Variants in DOCK2 observed in about 807,000 individuals in gnomAD.
DOCK2 encodes dedicator of cytokinesis protein 2.
DOCK2 carries 87 observed loss-of-function variants against 248.9 expected under a neutral mutation model. The observed-to-expected ratio is 0.35, with a 90% CI of 0.29 to 0.42. The LOEUF is 0.42. Among genes scored for constraint, DOCK2 ranks in the 10% least tolerant of loss-of-function variants. The pLI is 1.00. For synonymous variants in DOCK2, 805 were observed against 821.6 expected, an observed-to-expected ratio of 0.98 and a Z score of 0.35; for missense variants, 1,747 against 2,300.2, an observed-to-expected ratio of 0.76 and a Z score of 4.92.
chr5:169,932,835 G>A (rs998803982), intron 27 of DOCK2, among the ~76,000 whole-genome samples: 19 of 152,040 alleles, frequency 1.2e-4, no homozygotes, highest in African/African-American at 4.3e-4. Context: ...TTAAAAAAGA[G>A]ATGTGATATC....
intron 27 of DOCK2, among the ~76,000 whole-genome samples, chr5:169,948,949 A>G (rs1581459951): frequency 6.6e-6 from 1 of 152,146 alleles, no homozygotes; most frequent in Non-Finnish European, 1.5e-5. Context: ...GAAATTATCA[A>G]ATTACAAGAA....
intron 27 of DOCK2, among the ~76,000 whole-genome samples, chr5:169,954,828 C>T (rs1776797644): frequency 6.6e-6 from 1 of 152,204 alleles, no homozygotes; most frequent in Admixed American, 6.5e-5. Flanking sequence ...CATACAGGTC[C>T]ACCCAGGCTG....
chr5:169,919,413 A>G (rs960924306), intron 27 of DOCK2, among the ~76,000 whole-genome samples: 8 of 152,296 alleles, frequency 5.3e-5, no homozygotes, highest in South Asian at 2.1e-4. Flanking sequence ...ACACTCATCA[A>G]ATTTTACTCC....
At chr5:169,996,290 A>G (rs1748002843) in intron 30 of DOCK2, 126 bp downstream of exon 30, 6 of 942,342 alleles carry the variant, frequency 6.4e-6, no homozygotes, top group Non-Finnish European at 9.2e-6. Flanking sequence ...AGGGATTCCC[A>G]CGGGGGGTTA....
At chr5:169,799,957 A>G (rs1442913456) in intron 25 of DOCK2, among the ~76,000 whole-genome samples, 2 of 151,984 alleles carry the variant, frequency 1.3e-5, no homozygotes, top group Non-Finnish European at 2.9e-5. Flanking sequence ...GGCATCCATC[A>G]CTATGCCCAG....
rs1773206918 is a variant in DOCK2, at chr5:169,890,253, G to A, written c.2799+49401G>A. Among the ~76,000 whole-genome samples the A allele has an allele frequency of 1.3e-5, 2 of 152,208 alleles. 1 individual carries two copies. The highest frequency in any genetic ancestry group is 4.1e-4 in the South Asian group (2 of 4,828). ...CAGTTACAGGATGCATTTCTAAAGT[G>A]TAGGGATATGTCTTCCACTCTTTTT... is the stretch of plus-strand genomic sequence containing the variant. On this transcript the variant is annotated intron_variant, in intron 27 of 51. Coordinates refer to ENST00000520908, the MANE Select transcript of DOCK2 (RefSeq NM_004946.3).
chr5:170,008,742 G>A lies in DOCK2; in HGVS notation c.3228G>A (p.Lys1076=). The A allele has an allele frequency of 6.2e-7, 1 of 1,614,012 alleles. No homozygotes were observed. Among genetic ancestry groups the A allele is most frequent in the Non-Finnish European group, 8.5e-7 (1 of 1,179,940 alleles). Residue 1076 remains lysine, a synonymous_variant, in exon 32 of 52, where the codon AAG becomes AAA. Transcript: ENST00000520908. ...IGFSIRDMWY[K]LGQNKICFIP... is the part of the protein sequence containing the mutation. Reference sequence around the variant, plus strand: ...TCTCCATCCGTGATATGTGGTACAAGCTTGGTGAGTAGGCACACACATCCA... The same window carrying A: ...TCTCCATCCGTGATATGTGGTACAAACTTGGTGAGTAGGCACACACATCCA...
chr5:169,922,709 A>T, intron 27 of DOCK2, among the ~76,000 whole-genome samples: 1 of 152,214 alleles, frequency 6.6e-6, no homozygotes, highest in East Asian at 1.9e-4. Flanking sequence ...CTTGAGCTGG[A>T]GCCAGATCCT....
At chr5:169,925,955 G>T (rs1359730076) in intron 27 of DOCK2, among the ~76,000 whole-genome samples, 1 of 152,180 alleles carries the variant, frequency 6.6e-6, no homozygotes, top group Non-Finnish European at 1.5e-5. Context: ...GGCTTTGTGA[G>T]TATCATCTCT....
intron 27 of DOCK2, among the ~76,000 whole-genome samples, chr5:169,952,339 G>T (rs1436080110): frequency 6.6e-6 from 1 of 152,054 alleles, no homozygotes; most frequent in African/African-American, 2.4e-5. Context: ...AAAAATCAAT[G>T]CAGCATGGTC....
intron 14 of DOCK2, among the ~76,000 whole-genome samples, chr5:169,707,527 A>C (rs1561621378): frequency 6.6e-6 from 1 of 152,194 alleles, no homozygotes; most frequent in Non-Finnish European, 1.5e-5. Context: ...TTTCCTGCAC[A>C]AAACTGTGAG....
chr5:169,751,091 T>C (rs969776606), intron 23 of DOCK2, among the ~76,000 whole-genome samples: 49 of 152,328 alleles, frequency 3.2e-4, no homozygotes, highest in African/African-American at 1.1e-3. Flanking sequence ...AAGTAATATA[T>C]GTGAAACCTG....
chr5:169,886,938 C>A (rs1039844501), intron 27 of DOCK2, among the ~76,000 whole-genome samples: 3 of 152,186 alleles, frequency 2.0e-5, no homozygotes, highest in African/African-American at 7.2e-5. Flanking sequence ...TTCATTTACT[C>A]TCTTCCTTAA....
chr5:169,643,040 G>A (rs900655911), intron 1 of DOCK2, among the ~76,000 whole-genome samples: 6 of 152,112 alleles, frequency 3.9e-5, no homozygotes, highest in African/African-American at 4.8e-5. Flanking sequence ...TTATCACCAC[G>A]CAACTCCAGA....
intron 44 of DOCK2, 66 bp from the exon 45 acceptor site, chr5:170,067,444 A>G (rs1192209593): frequency 6.6e-7 from 1 of 1,517,502 alleles, no homozygotes; most frequent in African/African-American, 1.4e-5. Context: ...AATCAATACC[A>G]ATAATATCTG....
At chr5:169,912,193 T>C (rs1176077664) in intron 27 of DOCK2, among the ~76,000 whole-genome samples, 1 of 152,190 alleles carries the variant, frequency 6.6e-6, no homozygotes, top group Non-Finnish European at 1.5e-5. Flanking sequence ...GTTTTGTCTT[T>C]CAGTTATAGG....
rs78034663 is a variant in DOCK2 at position 169,749,784 on chromosome 5, T to G, written c.2376+2280T>G. Among the ~76,000 whole-genome samples, 578 of 152,338 alleles carry G rather than the reference T, an allele frequency of 3.8e-3. 4 individuals are homozygous for G. The highest frequency in any genetic ancestry group is 0.013 in the African/African-American group (560 of 41,576). On this transcript the variant is annotated intron_variant, in intron 23 of 51. Transcript: ENST00000520908. ...GGGACTGCAGTCTTCTAGTTTTTAT[T>G]TTTCCCTTACCCCCTCCTGGTTAAA...
intron 25 of DOCK2, among the ~76,000 whole-genome samples, chr5:169,776,053 A>G (rs1765365481): frequency 6.6e-6 from 1 of 151,910 alleles, no homozygotes; most frequent in Admixed American, 6.6e-5. Context: ...TTGGAAATGT[A>G]TAAAATGTCC....
intron 17 of DOCK2, among the ~76,000 whole-genome samples, chr5:169,712,735 C>T (rs1761654331): frequency 6.6e-6 from 1 of 152,148 alleles, no homozygotes; most frequent in South Asian, 2.1e-4. Flanking sequence ...TTTATGACAA[C>T]CCACTAGGAT....
Sources: gnomAD v4.1 joint callset for allele counts (sites outside exome capture counted in the v4.1 genomes callset) on GRCh38, gnomAD v4.1.1 for gene constraint, MANE v1.5 for transcripts, NCBI Gene and HGNC (gene_info 2026-07-23, HGNC 2026-07-21) for gene names.